Variants in FGF6 observed in about 807,000 individuals in gnomAD.
FGF6 encodes the protein FGF-6.
In FGF6, 14 loss-of-function variants were observed where a neutral mutation model predicts 18.4. That is an observed-to-expected ratio of 0.76 (90% CI 0.50 to 1.19). FGF6 has a LOEUF of 1.19. Ranked by LOEUF, FGF6 falls within the 50% of genes most tolerant of loss-of-function variation. The probability of loss-of-function intolerance (pLI) is 0.00; values close to 1 mark genes in which losing one functional copy is unlikely to be tolerated. For missense variants in FGF6, 266 were observed against 271.6 expected, an observed-to-expected ratio of 0.98 and a Z score of 0.15; for synonymous variants, 125 against 116.7, an observed-to-expected ratio of 1.07 and a Z score of -0.46.
chr12:4,435,840 A>G (rs746426521), intron 2 of FGF6, among the ~76,000 whole-genome samples: 1 of 152,024 alleles, frequency 6.6e-6, no homozygotes, highest in Non-Finnish European at 1.5e-5. Context: ...TTCCTCTGCA[A>G]CCTGCCTGGG....
intron 2 of FGF6, among the ~76,000 whole-genome samples, chr12:4,434,622 G>T (rs1224522615): frequency 1.3e-5 from 2 of 152,124 alleles, no homozygotes; most frequent in Non-Finnish European, 2.9e-5. Context: ...TTACGATAAG[G>T]AAACCAAGGC....
At position 4,445,266 on chromosome 12, in the gene FGF6, G is replaced by A. The variant is rs1565472408; in HGVS notation, c.305C>T (p.Pro102Leu). ...VGIGFHLQVL[P>L]DGRISGTHEE... ...GTGGGTCCCGCTGATCCGGCCGTCG[G>A]GGAGCACCTGGAGGTGAAAGCCGAT... Residue 102 changes from proline (P) to leucine (L), a missense_variant, in exon 1 of 3, where the codon CCC (proline) becomes CTC (leucine). Coordinates refer to ENST00000228837, the MANE Select transcript of FGF6 (RefSeq NM_020996.3). The surrounding 1 kb of genome is among the most constrained non-coding windows in gnomAD (Gnocchi z 5.5). 6.2e-7 allele frequency: 1 copy of A among 1,613,846 alleles called. No individual in the cohort carries two copies. Among genetic ancestry groups the A allele is most frequent in the Non-Finnish European group, 8.5e-7 (1 of 1,179,974 alleles).
intron 2 of FGF6, among the ~76,000 whole-genome samples, chr12:4,443,779 A>G (rs865934034): frequency 2.0e-4 from 30 of 152,200 alleles, no homozygotes; most frequent in African/African-American, 7.2e-4. Context: ...AGAGAGACAG[A>G]CTTGCTCTCG....
intron 2 of FGF6, among the ~76,000 whole-genome samples, chr12:4,436,920 T>C (rs1865635303): frequency 1.3e-5 from 2 of 152,224 alleles, no homozygotes; most frequent in South Asian, 4.1e-4. Flanking sequence ...CTCGTTAGGA[T>C]GCTCAGTGAA....
chr12:4,438,313 C>G (rs1865647106), intron 2 of FGF6, among the ~76,000 whole-genome samples: 2 of 152,106 alleles, frequency 1.3e-5, no homozygotes, highest in South Asian at 4.1e-4. Flanking sequence ...GTTATAATCT[C>G]TATAAAGAGC....
At chr12:4,444,694 T>A (rs1171482901) in intron 1 of FGF6, among the ~76,000 whole-genome samples, 1 of 152,184 alleles carries the variant, frequency 6.6e-6, no homozygotes, top group Non-Finnish European at 1.5e-5. Context: ...GCAGCCCCCA[T>A]CCTTTCTTGG....
chr12:4,439,126 A>G, intron 2 of FGF6, among the ~76,000 whole-genome samples: 1 of 152,184 alleles, frequency 6.6e-6, no homozygotes, highest in East Asian at 1.9e-4. Flanking sequence ...TCCTTAAAAC[A>G]TGTTCCTGTG....
In FGF6 at chr12:4,438,784, GTAAC is replaced by G. The variant is rs371479497; in HGVS notation, c.451-4397_451-4394del. 3.8e-4 allele frequency among the ~76,000 whole-genome samples: 54 copies of G among 142,120 alleles called. No individual in the cohort carries two copies. The East Asian group carries it at 0.011, about 28-fold the overall frequency. The allele number at this position is 142,120 out of a possible 152,430, so 93.2% of individuals were successfully genotyped here. ...AAAAAAAAAAAAAAAAAAAAGAGGA[GTAAC>G]TAACTCAATTATGGTAGATCCACAT... On this transcript the variant is annotated intron_variant, in intron 2 of 2. Transcript: ENST00000228837.
chr12:4,439,506 G>C (rs920695701), intron 2 of FGF6, among the ~76,000 whole-genome samples: 3 of 152,112 alleles, frequency 2.0e-5, no homozygotes, highest in African/African-American at 7.2e-5. Context: ...TGCCTAGAAT[G>C]TGCCCATTTG....
chr12:4,437,660 G>T (rs1224259056), intron 2 of FGF6, among the ~76,000 whole-genome samples: 1 of 152,152 alleles, frequency 6.6e-6, no homozygotes, highest in Non-Finnish European at 1.5e-5. Context: ...CACATACATG[G>T]ATGTAAAATG....
rs776018234 is a variant in FGF6, at chr12:4,443,725, G to C, written c.450+408C>G. Among the ~76,000 whole-genome samples, 3 of 152,306 alleles carry C rather than the reference G, an allele frequency of 2.0e-5. No individual in the cohort carries two copies. The South Asian group carries it at 6.2e-4, about 32-fold the overall frequency. The stretch of plus-strand genomic sequence containing the variant: ...CACTCCTCCTGCTGCGCACGAGGCT[G>C]GGGCATCTTGCAGGGCGCGTGTCAT... On this transcript the variant is annotated intron_variant, in intron 2 of 2. Transcript: ENST00000228837.
chr12:4,440,772 C>G (rs1443664049), intron 2 of FGF6, among the ~76,000 whole-genome samples: 3 of 152,242 alleles, frequency 2.0e-5, no homozygotes, highest in African/African-American at 4.8e-5. Flanking sequence ...CCAGCCCCAT[C>G]TCCCAGCACT....
chr12:4,443,415 G>C (rs1865715504), intron 2 of FGF6, among the ~76,000 whole-genome samples: 1 of 152,174 alleles, frequency 6.6e-6, no homozygotes, highest in Admixed American at 6.5e-5. Flanking sequence ...CCATATTTTG[G>C]AATAAGCCAA....
chr12:4,438,751 CAAAAAAAAAAA>C (rs386375443), intron 2 of FGF6, among the ~76,000 whole-genome samples: 29 of 39,730 alleles, frequency 7.3e-4, no homozygotes, highest in South Asian at 5.0e-3. Context: ...GACTCTATCT[CAAAAAAAAAAA>C]AAAAAAAAAA....
rs1273570877 is a variant in FGF6 at position 4,445,509 on chromosome 12, G to A, written c.62C>T (p.Thr21Met). 2 of 1,612,542 alleles carry A rather than the reference G, an allele frequency of 1.2e-6. No individual in the cohort carries two copies. The highest frequency in any genetic ancestry group is 1.7e-6 in the Non-Finnish European group (2 of 1,179,848). Residue 21 changes from threonine (T) to methionine (M), a missense_variant, in exon 1 of 3, where the codon ACG (threonine) becomes ATG (methionine). Coordinates refer to ENST00000228837, the MANE Select transcript of FGF6 (RefSeq NM_020996.3). The surrounding 1 kb of genome is among the most constrained non-coding windows in gnomAD (Gnocchi z 5.5). ...GCCTAGGAAGACGAGAGCCCACAGC[G>A]TGCCCTGCAGACGTCCTGCTCCCCG... ...MSRGAGRLQG[T>M]LWALVFLGIL...
chr12:4,438,325 A>G (rs1865647258), intron 2 of FGF6, among the ~76,000 whole-genome samples: 1 of 152,238 alleles, frequency 6.6e-6, no homozygotes, highest in African/African-American at 2.4e-5. Flanking sequence ...ATAAAGAGCA[A>G]TTTGGCAGCA....
intron 2 of FGF6, among the ~76,000 whole-genome samples, chr12:4,443,759 G>T (rs1392053500): frequency 6.6e-6 from 1 of 152,214 alleles, no homozygotes. Flanking sequence ...ATGGAGCAGC[G>T]CACCCAGGCA....
intron 2 of FGF6, among the ~76,000 whole-genome samples, chr12:4,435,153 C>A (rs771571191): frequency 6.6e-6 from 1 of 152,226 alleles, no homozygotes. Flanking sequence ...GTCCCCGACC[C>A]CCAGGCTGCA....
rs1027075800 is a variant in FGF6 at position 4,439,854 on chromosome 12, G to A, written c.450+4279C>T. On this transcript the variant is annotated intron_variant, in intron 2 of 2. Transcript: ENST00000228837. Reference sequence around the variant, plus strand: ...TTCCCCTTGCTGCTCTCTCTCCTCCGCCCTCAGCACCCACATCTGTGGGGT... The same window carrying A: ...TTCCCCTTGCTGCTCTCTCTCCTCCACCCTCAGCACCCACATCTGTGGGGT... 5.9e-5 allele frequency among the ~76,000 whole-genome samples: 9 copies of A among 152,236 alleles called. No individual in the cohort carries two copies. The South Asian group carries it at 1.5e-3, about 25-fold the overall frequency.
Sources: gnomAD v4.1 joint callset for allele counts (sites outside exome capture counted in the v4.1 genomes callset) on GRCh38, gnomAD v4.1.1 for gene constraint, Gnocchi (gnomAD v3.1) non-coding constraint, MANE v1.5 for transcripts, NCBI Gene and HGNC (gene_info 2026-07-23, HGNC 2026-07-21) for gene names.